Variants in NUP62 observed in about 807,000 individuals in gnomAD.
NUP62 encodes the protein nucleoporin 62, also known as nuclear pore glycoprotein p62.
For synonymous variants in NUP62, 305 were observed against 303.4 expected (o/e 1.01, Z -0.05); for missense variants, 647 against 689.4 (o/e 0.94, Z 0.69).
Position 49,923,690 on chromosome 19 carries a change from C to T in NUP62, c.-78+4004G>A, listed in dbSNP as rs116909702. On this transcript the variant is annotated intron_variant, in intron 2 of 2. Transcript: ENST00000352066. ...ACTCTAGGTATTTCACGCACATTTA[C>T]ACATTTAATCCTCAAAACCACCGTC... Among the ~76,000 whole-genome samples, 551 of 152,358 alleles carry T rather than the reference C, an allele frequency of 3.6e-3. 1 individual carries two copies. Among genetic ancestry groups the T allele is most frequent in the Non-Finnish European group, 5.8e-3 (394 of 68,022 alleles).
At chr19:49,914,946 G>T (rs1296087223) in intron 2 of NUP62, among the ~76,000 whole-genome samples, 1 of 151,654 alleles carries the variant, frequency 6.6e-6, no homozygotes, top group Non-Finnish European at 1.5e-5. Flanking sequence ...CACCATGTTA[G>T]CCGGGCTGGT....
intron 2 of NUP62, among the ~76,000 whole-genome samples, chr19:49,923,461 C>A (rs1171421772): frequency 6.6e-6 from 1 of 152,172 alleles, no homozygotes; most frequent in Admixed American, 6.5e-5. Flanking sequence ...GCCCTCGAAG[C>A]GTTCGGGGGA....
chr19:49,922,728 A>C (rs968184733), intron 2 of NUP62, among the ~76,000 whole-genome samples: 4 of 150,130 alleles, frequency 2.7e-5, no homozygotes, highest in African/African-American at 9.8e-5. Flanking sequence ...AAAAAACTGG[A>C]TTTCCAGCTT....
intron 2 of NUP62, among the ~76,000 whole-genome samples, chr19:49,920,641 G>A (rs2075743698): frequency 6.6e-6 from 1 of 152,200 alleles, no homozygotes; most frequent in African/African-American, 2.4e-5. Context: ...CGAGGGCAAC[G>A]GCTCGGGCAG....
At position 49,909,027 on chromosome 19, in the gene NUP62, G is replaced by C. The variant is rs2075391299; in HGVS notation, c.781C>G (p.Pro261Ala). ...AGTQGFSLKA[P>A]GAASGTSTTT... ...GTGGAGGTGCCGGAAGCTGCTCCAG[G>C]TGCCTTTAAGCTGAAGCCCTGTGTC... The change falls in exon 3 of 3, where the codon CCT becomes GCT. Residue 261 changes from proline (P) to alanine (A), a missense_variant. Pro to Ala is a conservative substitution (Grantham distance 27). Transcript: ENST00000352066. 1.2e-6 allele frequency: 2 copies of C among 1,613,174 alleles called. No individual in the cohort carries two copies. Among genetic ancestry groups the C allele is most frequent in the African/African-American group, 2.7e-5 (2 of 75,026 alleles).
Position 49,909,303 on chromosome 19 carries a change from A to G in NUP62, c.505T>C (p.Ser169Pro). ...CCTGCTGAGCCAATGTTGAAACCGGAGGGTTGGGCCGTGCTTCCACCAGTG... is the reference window on the plus strand; with the variant it reads ...CCTGCTGAGCCAATGTTGAAACCGGGGGGTTGGGCCGTGCTTCCACCAGTG... ...SFTGGSTAQP[S>P]GFNIGSAGNS... The change falls in exon 3 of 3, where the codon TCC becomes CCC. Residue 169 changes from serine (S) to proline (P), a missense_variant. Physicochemically the swap from Ser to Pro is moderately conservative, Grantham distance 74 (BLOSUM62 -1). Transcript: ENST00000352066. 1 of 1,613,888 alleles carries G rather than the reference A, an allele frequency of 6.2e-7. No individual in the cohort carries two copies. Among genetic ancestry groups the G allele is most frequent in the Non-Finnish European group, 8.5e-7 (1 of 1,179,988 alleles).
chr19:49,918,078 C>CT (rs559266842), intron 2 of NUP62, among the ~76,000 whole-genome samples: 4,327 of 132,550 alleles, frequency 0.033, 79 homozygotes, highest in Middle Eastern at 0.065. Flanking sequence ...TTTCCTTTTT[C>CT]TTTTTTTTTT....
Position 49,907,702 on chromosome 19 carries a change from AT to A in NUP62, c.*536del. 1 of 343,750 alleles carries A rather than the reference AT, an allele frequency of 2.9e-6. No individual in the cohort carries two copies. The highest frequency in any genetic ancestry group is 5.6e-6 in the Non-Finnish European group (1 of 178,114). 21.3% of individuals were successfully genotyped at this position (343,750 alleles called of 1,614,324 possible). On this transcript the variant is annotated 3_prime_UTR_variant, in exon 3 of 3. Transcript: ENST00000352066. Reference sequence around the variant, plus strand: ...CACAGGCGTCCACCACACCTGACTAATTTTTGTATTTTTAGTAGAGACGGGG... The same window carrying A: ...CACAGGCGTCCACCACACCTGACTAATTTTGTATTTTTAGTAGAGACGGGG...
At chr19:49,913,556 C>T (rs1364152006) in intron 2 of NUP62, among the ~76,000 whole-genome samples, 1 of 152,370 alleles carries the variant, frequency 6.6e-6, no homozygotes, top group South Asian at 2.1e-4. Flanking sequence ...GTAAGCGTTA[C>T]CACACGCTGT....
intron 2 of NUP62, among the ~76,000 whole-genome samples, chr19:49,912,296 G>C (rs1430748340): frequency 4.6e-5 from 7 of 150,780 alleles, no homozygotes; most frequent in African/African-American, 1.7e-4. Context: ...CAGCTTCCAA[G>C]TAGCTGGGAT....
intron 2 of NUP62, among the ~76,000 whole-genome samples, chr19:49,926,265 A>AT (rs2075886665): frequency 6.8e-6 from 1 of 148,058 alleles, no homozygotes; most frequent in Admixed American, 6.8e-5. Flanking sequence ...GTGGTGGCTC[A>AT]TGCCTGTAAA....
chr19:49,920,750 G>A (rs1023320556), intron 2 of NUP62, among the ~76,000 whole-genome samples: 16 of 152,336 alleles, frequency 1.1e-4, no homozygotes, highest in Middle Eastern at 6.8e-3. Flanking sequence ...TCTGGTTGGC[G>A]GTGCAGGCAC....
intron 2 of NUP62, among the ~76,000 whole-genome samples, chr19:49,924,558 C>T (rs2075839691): frequency 6.6e-6 from 1 of 152,178 alleles, no homozygotes; most frequent in Non-Finnish European, 1.5e-5. Context: ...CCCAGTAGCC[C>T]CACCCTTGCT....
At position 49,908,442 on chromosome 19, in the gene NUP62, C is replaced by T. The variant is rs755550156; in HGVS notation, c.1366G>A (p.Glu456Lys). The change falls in exon 3 of 3, where the codon GAG becomes AAG. Residue 456 changes from glutamate to lysine, a missense_variant. Coordinates refer to ENST00000352066, the MANE Select transcript of NUP62 (RefSeq NM_016553.5). ...GGGGCCCCGGACGTGTTCAGGTGCTCGATGATGTCCTTGAGATCCTGGGCC... is the reference window on the plus strand; with the variant it reads ...GGGGCCCCGGACGTGTTCAGGTGCTTGATGATGTCCTTGAGATCCTGGGCC... ...RMAQDLKDII[E>K]HLNTSGAPAD... The T allele has an allele frequency of 1.7e-4, 273 of 1,613,990 alleles. 1 individual carries two copies. The highest frequency in any genetic ancestry group is 2.1e-4 in the Non-Finnish European group (242 of 1,180,044).
At position 49,907,893 on chromosome 19, in the gene NUP62, A is replaced by G; in HGVS notation, c.*346T>C. The G allele has an allele frequency of 7.3e-6, 3 of 413,700 alleles. No individual in the cohort carries two copies. Among genetic ancestry groups the G allele is most frequent in the South Asian group, 4.8e-5 (2 of 41,874 alleles). 25.6% of individuals were successfully genotyped at this position (413,700 alleles called of 1,614,324 possible). On this transcript the variant is annotated 3_prime_UTR_variant, in exon 3 of 3. Transcript: ENST00000352066. Reference sequence around the variant, plus strand: ...TGACACCTATGACTATGCTTTGGAGAGAGTGGCTGCCCCCACGACCCTGGC... The same window carrying G: ...TGACACCTATGACTATGCTTTGGAGGGAGTGGCTGCCCCCACGACCCTGGC...
chr19:49,910,666 C>T (rs903419317), intron 2 of NUP62, among the ~76,000 whole-genome samples: 1 of 148,858 alleles, frequency 6.7e-6, no homozygotes, highest in African/African-American at 2.5e-5. Flanking sequence ...TCTCAACCAT[C>T]TGCAGACACT....
chr19:49,923,128 C>A (rs1303419926), intron 2 of NUP62, among the ~76,000 whole-genome samples: 2 of 152,108 alleles, frequency 1.3e-5, no homozygotes, highest in Admixed American at 1.3e-4. Flanking sequence ...CAAGGGCAGG[C>A]ACAAGGGAGG....
Position 49,907,131 on chromosome 19 carries a change from C to G in NUP62, c.*1108G>C, listed in dbSNP as rs548552246. 1.2e-5 allele frequency: 2 copies of G among 161,584 alleles called. No homozygotes were observed. Among genetic ancestry groups the G allele is most frequent in the African/African-American group, 4.8e-5 (2 of 41,490 alleles). The allele number at this position is 161,584 out of a possible 1,614,324, so 10.0% of individuals were successfully genotyped here. On this transcript the variant is annotated 3_prime_UTR_variant, in exon 3 of 3. Coordinates refer to ENST00000352066, the MANE Select transcript of NUP62 (RefSeq NM_016553.5). ...CGGGCTGGGGACACACGGGGAACGA[C>G]AGTGGGTCTCTGCCCATGGGAACTC...
chr19:49,928,842 A>C (rs967985052), intron 1 of NUP62: 4 of 152,266 alleles, frequency 2.6e-5, no homozygotes, highest in African/African-American at 9.7e-5. Flanking sequence ...GAACTGGTGC[A>C]GGTCTGCGGG....
Sources: gnomAD v4.1 joint callset for allele counts (sites outside exome capture counted in the v4.1 genomes callset) on GRCh38, gnomAD v4.1.1 for gene constraint, MANE v1.5 for transcripts, NCBI Gene and HGNC (gene_info 2026-07-23, HGNC 2026-07-21) for gene names.